Variants in CYYR1 observed in about 807,000 individuals in gnomAD.
The protein encoded by CYYR1 is cysteine and tyrosine rich 1, also known as cysteine and tyrosine-rich protein 1.
In CYYR1, 14 loss-of-function variants were observed where a neutral mutation model predicts 15.2. That is an observed-to-expected ratio of 0.92 (90% CI 0.61 to 1.44). CYYR1 has a LOEUF of 1.44. Ranked by LOEUF, CYYR1 falls within the 40% of genes most tolerant of loss-of-function variation. The pLI is 0.00. For synonymous variants in CYYR1, 80 were observed against 77.4 expected (o/e 1.03, Z -0.18); for missense variants, 228 against 209.5 (o/e 1.09, Z -0.54).
chr21:26,537,193 G>A (rs139672279), intron 2 of CYYR1, among the ~76,000 whole-genome samples: 90 of 152,216 alleles, frequency 5.9e-4, no homozygotes, highest in African/African-American at 1.9e-3. Flanking sequence ...GCAGGGACTC[G>A]GAGACTCTGT....
intron 2 of CYYR1, among the ~76,000 whole-genome samples, chr21:26,487,468 T>C (rs2065265477): frequency 6.6e-6 from 1 of 152,112 alleles, no homozygotes; most frequent in Admixed American, 6.6e-5. Context: ...GGCAAAATTC[T>C]ATATCAGATC....
At chr21:26,570,823 T>G (rs575204459) in intron 1 of CYYR1, among the ~76,000 whole-genome samples, 2 of 152,296 alleles carry the variant, frequency 1.3e-5, no homozygotes, top group East Asian at 3.9e-4. Context: ...TATCCTTTGT[T>G]GCATGTACAG....
chr21:26,561,025 G>A (rs1237344976), intron 2 of CYYR1, among the ~76,000 whole-genome samples: 1 of 151,956 alleles, frequency 6.6e-6, no homozygotes, highest in East Asian at 1.9e-4. Context: ...AAATTGGACT[G>A]AGAAAAGTTT....
At position 26,559,121 on chromosome 21, in the gene CYYR1, C is replaced by A. The variant is rs146842096; in HGVS notation, c.176+7145G>T. On this transcript the variant is annotated intron_variant, in intron 2 of 3. Transcript: ENST00000652641. Reference sequence around the variant, plus strand: ...AGCCCTTTTATCTTTGCCCACATTGCTTGGCACTATCAGACTTACGGAGTA... The same window carrying A: ...AGCCCTTTTATCTTTGCCCACATTGATTGGCACTATCAGACTTACGGAGTA... Among the ~76,000 whole-genome samples, 3 of 152,276 alleles carry A rather than the reference C, an allele frequency of 2.0e-5. No individual in the cohort carries two copies. In the East Asian group the frequency reaches 5.8e-4, roughly 29 times the overall value.
At chr21:26,569,737 C>T (rs1391552529) in intron 1 of CYYR1, among the ~76,000 whole-genome samples, 2 of 152,224 alleles carry the variant, frequency 1.3e-5, no homozygotes, top group Admixed American at 6.5e-5. Flanking sequence ...AGGACAGTGA[C>T]ATCTTATTAA....
In CYYR1 at chr21:26,514,143, G is replaced by A. The variant is rs149068103; in HGVS notation, c.177-33714C>T. Among the ~76,000 whole-genome samples the A allele has an allele frequency of 1.7e-3, 255 of 152,214 alleles. 2 individuals are homozygous for A. Among genetic ancestry groups the A allele is most frequent in the African/African-American group, 5.9e-3 (246 of 41,522 alleles). ...ACCTGAGCTGAGTCCCAGACGTTGG[G>A]TGGGGGCTCCAGAAATTACTCTTGC... On this transcript the variant is annotated intron_variant, in intron 2 of 3. Coordinates refer to ENST00000652641, the MANE Select transcript of CYYR1 (RefSeq NM_001320768.2).
intron 2 of CYYR1, among the ~76,000 whole-genome samples, chr21:26,495,986 G>A (rs538960334): frequency 6.6e-6 from 1 of 152,240 alleles, no homozygotes; most frequent in African/African-American, 2.4e-5. Flanking sequence ...GCAGGGCACC[G>A]GATTTGGTAA....
At chr21:26,540,363 T>G (rs1313847118) in intron 2 of CYYR1, among the ~76,000 whole-genome samples, 1 of 152,168 alleles carries the variant, frequency 6.6e-6, no homozygotes, top group African/African-American at 2.4e-5. Flanking sequence ...CCAATCAGAA[T>G]AAGCTAGTTA....
intron 2 of CYYR1, among the ~76,000 whole-genome samples, chr21:26,493,634 T>C (rs2065357261): frequency 6.6e-6 from 1 of 152,170 alleles, no homozygotes; most frequent in Non-Finnish European, 1.5e-5. Flanking sequence ...CCTGAATGTG[T>C]GTGAAATTTT....
intron 2 of CYYR1, among the ~76,000 whole-genome samples, chr21:26,492,771 T>G (rs1728657091): frequency 6.6e-6 from 1 of 151,914 alleles, no homozygotes; most frequent in African/African-American, 2.4e-5. Flanking sequence ...CATGAAACAA[T>G]TTTAAATATC....
intron 2 of CYYR1, among the ~76,000 whole-genome samples, chr21:26,533,097 T>A (rs1417884878): frequency 6.6e-6 from 1 of 151,560 alleles, no homozygotes; most frequent in African/African-American, 2.4e-5. Flanking sequence ...CGGAATCTCA[T>A]GAGCCAATTC....
chr21:26,494,840 C>A (rs2065373109), intron 2 of CYYR1, among the ~76,000 whole-genome samples: 1 of 152,118 alleles, frequency 6.6e-6, no homozygotes, highest in South Asian at 2.1e-4. Flanking sequence ...CTTTGAAATT[C>A]CCATAGACCA....
At chr21:26,473,870 C>T (rs1601722757) in intron 3 of CYYR1, among the ~76,000 whole-genome samples, 1 of 152,272 alleles carries the variant, frequency 6.6e-6, no homozygotes, top group African/African-American at 2.4e-5. Flanking sequence ...AGCAGCACTA[C>T]CAAAGCACAG....
intron 2 of CYYR1, among the ~76,000 whole-genome samples, chr21:26,522,320 A>G (rs976620807): frequency 1.3e-5 from 2 of 152,180 alleles, no homozygotes; most frequent in East Asian, 1.9e-4. Flanking sequence ...TGAATCTGTT[A>G]TATGATCCAG....
At position 26,573,005 on chromosome 21, in the gene CYYR1, G is replaced by A. The variant is rs977399124; in HGVS notation, c.-65C>T. ...CGGAACCGGAGGGAATGGGGAGGAT[G>A]GAGGGCGATCAGATGGAGAGAGCAG... On this transcript the variant is annotated 5_prime_UTR_variant, in exon 1 of 4. Transcript: ENST00000652641. 6 of 1,611,534 alleles carry A rather than the reference G, an allele frequency of 3.7e-6. No individual in the cohort carries two copies. In the African/African-American group the frequency reaches 6.7e-5, roughly 18 times the overall value.
intron 2 of CYYR1, among the ~76,000 whole-genome samples, chr21:26,544,687 A>C (rs968564065): frequency 6.6e-5 from 10 of 152,340 alleles, no homozygotes; most frequent in South Asian, 4.1e-4. Context: ...ATTGTATTAA[A>C]ATTATTAAAC....
intron 2 of CYYR1, among the ~76,000 whole-genome samples, chr21:26,532,090 CAT>C (rs1395718883): frequency 1.3e-5 from 2 of 152,098 alleles, no homozygotes; most frequent in African/African-American, 4.8e-5. Context: ...GATTTCCTTA[CAT>C]ATGCAAAAAA....
Position 26,468,565 on chromosome 21 carries a change from G to A in CYYR1, c.404C>T (p.Pro135Leu), listed in dbSNP as rs146454764. ...YCADLPPPYS[P>L]TPQGPAQRSP... Reference sequence around the variant, plus strand: ...ACGCTGTGCTGGACCCTGTGGGGTGGGGGAGTATGGAGGAGGCAAGTCTGC... The same window carrying A: ...ACGCTGTGCTGGACCCTGTGGGGTGAGGGAGTATGGAGGAGGCAAGTCTGC... Residue 135 changes from proline to leucine, a missense_variant, in exon 4 of 4, where the codon CCC becomes CTC. Coordinates refer to ENST00000652641, the MANE Select transcript of CYYR1 (RefSeq NM_001320768.2). The A allele has an allele frequency of 1.3e-4, 217 of 1,613,598 alleles. No homozygotes were observed. The African/African-American group carries it at 2.5e-3, about 19-fold the overall frequency.
At chr21:26,570,466 G>A (rs780301915) in intron 1 of CYYR1, among the ~76,000 whole-genome samples, 3 of 152,178 alleles carry the variant, frequency 2.0e-5, no homozygotes, top group South Asian at 2.1e-4. Flanking sequence ...GCTGAGGCCC[G>A]GAAGGTAAAA....
Sources: gnomAD v4.1 joint callset for allele counts (sites outside exome capture counted in the v4.1 genomes callset) on GRCh38, gnomAD v4.1.1 for gene constraint, MANE v1.5 for transcripts, NCBI Gene and HGNC (gene_info 2026-07-23, HGNC 2026-07-21) for gene names.